The following ZNF521 variants were observed in gnomAD, a reference collection of about 807,000 sequenced individuals.
ZNF521 encodes zinc finger protein 521.
A neutral mutation model predicts 105.5 loss-of-function variants in ZNF521; 14 were observed. The observed-to-expected ratio is 0.13, with a 90% CI of 0.09 to 0.21. The LOEUF (loss-of-function observed/expected upper bound fraction) is 0.21. Among genes scored for constraint, ZNF521 ranks in the 10% least tolerant of loss-of-function variants. The probability of loss-of-function intolerance (pLI) is 1.00; values close to 1 mark genes in which losing one functional copy is unlikely to be tolerated. For missense variants in ZNF521, 1,233 were observed against 1,629.7 expected, an observed-to-expected ratio of 0.76 and a Z score of 4.19; for synonymous variants, 635 against 606.0, an observed-to-expected ratio of 1.05 and a Z score of -0.70.
At chr18:25,151,891 T>C (rs937561087) in intron 5 of ZNF521, among the ~76,000 whole-genome samples, 1 of 152,238 alleles carries the variant, frequency 6.6e-6, no homozygotes, top group African/African-American at 2.4e-5. Flanking sequence ...ATGACTTCTA[T>C]GAACAAAAGA....
intron 5 of ZNF521, among the ~76,000 whole-genome samples, chr18:25,145,604 G>A (rs988015975): frequency 6.6e-6 from 1 of 152,154 alleles, no homozygotes; most frequent in Non-Finnish European, 1.5e-5. Context: ...CACTGAGCAC[G>A]AATGACCCGA....
chr18:25,233,244 A>G (rs1005463665), intron 3 of ZNF521, among the ~76,000 whole-genome samples: 1 of 152,124 alleles, frequency 6.6e-6, no homozygotes, highest in Non-Finnish European at 1.5e-5. Flanking sequence ...AAAAAAAACT[A>G]TTATACATTA....
intron 3 of ZNF521, among the ~76,000 whole-genome samples, chr18:25,282,097 T>C (rs896593569): frequency 6.6e-6 from 1 of 152,194 alleles, no homozygotes; most frequent in African/African-American, 2.4e-5. Context: ...GAAAATTCTG[T>C]TTAAGAATCC....
intron 3 of ZNF521, among the ~76,000 whole-genome samples, chr18:25,270,086 A>T (rs1332235721): frequency 1.3e-5 from 2 of 152,206 alleles, no homozygotes. Context: ...CACAATAAAA[A>T]ACGATAATGG....
intron 3 of ZNF521, among the ~76,000 whole-genome samples, chr18:25,251,607 T>C (rs1413434443): frequency 2.6e-5 from 4 of 152,120 alleles, no homozygotes; most frequent in Non-Finnish European, 5.9e-5. Context: ...ACAGAAATCA[T>C]AGACAATCAA....
At chr18:25,150,672 A>C (rs2035029768) in intron 5 of ZNF521, among the ~76,000 whole-genome samples, 1 of 152,142 alleles carries the variant, frequency 6.6e-6, no homozygotes, top group African/African-American at 2.4e-5. Flanking sequence ...ACACAGACTC[A>C]GAGTATCCTG....
intron 3 of ZNF521, among the ~76,000 whole-genome samples, chr18:25,290,885 G>T (rs536728957): frequency 5.2e-4 from 79 of 152,174 alleles, no homozygotes; most frequent in African/African-American, 1.8e-3. Flanking sequence ...ATGAAAAGAT[G>T]AATAAATGAA....
chr18:25,260,953 A>G (rs566940908), intron 3 of ZNF521, among the ~76,000 whole-genome samples: 1 of 152,340 alleles, frequency 6.6e-6, no homozygotes, highest in African/African-American at 2.4e-5. Context: ...CAATTTCAAC[A>G]GAGTAAAATA....
chr18:25,064,878 T>C (rs1451248954), intron 7 of ZNF521, among the ~76,000 whole-genome samples: 2 of 152,216 alleles, frequency 1.3e-5, no homozygotes, highest in Admixed American at 6.5e-5. Context: ...ATTTAAAACA[T>C]ATCTTAATAG....
intron 3 of ZNF521, among the ~76,000 whole-genome samples, chr18:25,255,944 G>A (rs890459069): frequency 6.9e-6 from 1 of 145,488 alleles, no homozygotes; most frequent in Non-Finnish European, 1.5e-5. Context: ...GTATATATAT[G>A]GCATATATAT....
At chr18:25,288,076 A>ATAGG (rs1910805818) in intron 3 of ZNF521, among the ~76,000 whole-genome samples, 1 of 151,502 alleles carries the variant, frequency 6.6e-6, no homozygotes, top group Admixed American at 6.6e-5. Flanking sequence ...TGTAAACCTG[A>ATAGG]TAGGTGACAG....
At chr18:25,331,142 C>A (rs1311584176) in intron 2 of ZNF521, among the ~76,000 whole-genome samples, 1 of 152,208 alleles carries the variant, frequency 6.6e-6, no homozygotes, top group Non-Finnish European at 1.5e-5. Context: ...CATATAGTCT[C>A]TAACTTCCTG....
At chr18:25,299,997 A>C (rs539188082) in intron 3 of ZNF521, among the ~76,000 whole-genome samples, 1 of 152,316 alleles carries the variant, frequency 6.6e-6, no homozygotes, top group South Asian at 2.1e-4. Context: ...CTGGATTGGG[A>C]ACTTACTTTA....
chr18:25,144,804 C>A (rs2034912536), intron 5 of ZNF521, among the ~76,000 whole-genome samples: 1 of 152,164 alleles, frequency 6.6e-6, no homozygotes, highest in East Asian at 1.9e-4. Context: ...AACTGGAAAA[C>A]GCAGGAGGAA....
At chr18:25,169,493 G>A (rs2035409219) in intron 5 of ZNF521, among the ~76,000 whole-genome samples, 1 of 152,106 alleles carries the variant, frequency 6.6e-6, no homozygotes, top group Non-Finnish European at 1.5e-5. Context: ...GGTATTGTGT[G>A]CAAAGCCAGC....
chr18:25,310,672 T>C (rs78220363), intron 3 of ZNF521, among the ~76,000 whole-genome samples: 1 of 152,146 alleles, frequency 6.6e-6, no homozygotes, highest in South Asian at 2.1e-4. Context: ...TTTGGTCCTA[T>C]TGGGTTCTTA....
intron 7 of ZNF521, among the ~76,000 whole-genome samples, chr18:25,065,931 T>C (rs925514788): frequency 3.9e-5 from 6 of 152,268 alleles, no homozygotes; most frequent in African/African-American, 1.2e-4. Context: ...CAGACTGAAG[T>C]TGTTTCATAA....
intron 3 of ZNF521, among the ~76,000 whole-genome samples, chr18:25,314,037 T>A (rs1302584285): frequency 6.6e-6 from 1 of 152,142 alleles, no homozygotes; most frequent in East Asian, 1.9e-4. Flanking sequence ...AAATGATTAA[T>A]AACAAAGTAT....
At chr18:25,158,443 C>G (rs1024573750) in intron 5 of ZNF521, among the ~76,000 whole-genome samples, 2 of 151,832 alleles carry the variant, frequency 1.3e-5, no homozygotes, top group African/African-American at 4.8e-5. Flanking sequence ...CCCAATTGGC[C>G]ATAATCATCA....
Sources: gnomAD v4.1 joint callset for allele counts (sites outside exome capture counted in the v4.1 genomes callset) on GRCh38, gnomAD v4.1.1 for gene constraint, MANE v1.5 for transcripts, NCBI Gene and HGNC (gene_info 2026-07-23, HGNC 2026-07-21) for gene names.